INTU: variants seen among roughly 807,000 people sequenced by gnomAD.
INTU encodes the protein inturned planar cell polarity protein, also known as protein inturned.
A neutral mutation model predicts 100.5 loss-of-function variants in INTU; 68 were observed. The observed-to-expected ratio is 0.68, with a 90% CI of 0.56 to 0.83. INTU has a LOEUF of 0.83. INTU is among the 40% of genes least tolerant of loss of function. The pLI, the probability that INTU is intolerant of heterozygous loss-of-function variation, is 0.00. For synonymous variants in INTU, 357 were observed against 395.7 expected (o/e 0.90, Z 1.16); for missense variants, 1,071 against 1,114.7 (o/e 0.96, Z 0.56).
At position 127,684,455 on chromosome 4, in the gene INTU, A is replaced by C. The variant is rs767346560; in HGVS notation, c.1228A>C (p.Thr410Pro). ...GAACATGATAGAAAATGTCATCCAA[A>C]CCTTAAAATTTATGTATGGTTCTTT... ...LRNMIENVIQ[T>P]LKFMYGSLDS... Residue 410 changes from threonine (T) to proline (P), a missense_variant, in exon 7 of 16, where the codon ACC (threonine) becomes CCC (proline). Transcript: ENST00000335251. 1 of 1,601,898 alleles carries C rather than the reference A, an allele frequency of 6.2e-7. No individual in the cohort carries two copies. Among genetic ancestry groups the C allele is most frequent in the East Asian group, 2.2e-5 (1 of 44,488 alleles).
chr4:127,641,062 T>C (rs1560826126), intron 1 of INTU, among the ~76,000 whole-genome samples: 1 of 151,958 alleles, frequency 6.6e-6, no homozygotes, highest in Non-Finnish European at 1.5e-5. Flanking sequence ...TCTGGTGATT[T>C]TCAAGAGTTT....
At chr4:127,637,936 T>C (rs1343293547) in intron 1 of INTU, among the ~76,000 whole-genome samples, 1 of 152,166 alleles carries the variant, frequency 6.6e-6, no homozygotes, top group Non-Finnish European at 1.5e-5. Context: ...CCCTTTGCCT[T>C]CTTTGACATG....
At chr4:127,701,602 T>C (rs1378060122) in intron 9 of INTU, among the ~76,000 whole-genome samples, 3 of 152,120 alleles carry the variant, frequency 2.0e-5, no homozygotes, top group Admixed American at 1.3e-4. Flanking sequence ...TGAAATTATA[T>C]AATATCTGGG....
chr4:127,711,226 A>C (rs1731082752), intron 14 of INTU, 124 bp downstream of exon 14: 1 of 672,442 alleles, frequency 1.5e-6, no homozygotes, highest in African/African-American at 1.8e-5. Flanking sequence ...ATAGTCACTT[A>C]ATCTAACGTG....
intron 8 of INTU, among the ~76,000 whole-genome samples, chr4:127,691,074 T>G (rs1730099646): frequency 6.6e-6 from 1 of 152,186 alleles, no homozygotes; most frequent in Non-Finnish European, 1.5e-5. Flanking sequence ...TCATTTTGCA[T>G]TTTCCAAAAT....
rs188278437 is a variant in INTU at position 127,719,915 on chromosome 4, T to A, written c.*3479T>A. 3 of 152,180 alleles carry A rather than the reference T, an allele frequency of 2.0e-5. No homozygotes were observed. In the East Asian group the frequency reaches 5.8e-4, roughly 29 times the overall value. 9.4% of individuals were successfully genotyped at this position (152,180 alleles called of 1,614,324 possible). A position where few individuals can be genotyped will look rare whatever the true frequency, so the allele number is the denominator to read the frequency against. ...AGCTAATAGTCTATTTTGTTAATAT[T>A]TTCAAAAAAAAGCAGCCCCTGGATT... On this transcript the variant is annotated 3_prime_UTR_variant, in exon 16 of 16. Transcript: ENST00000335251.
At chr4:127,655,071 C>T (rs140259638) in intron 2 of INTU, among the ~76,000 whole-genome samples, 28 of 152,292 alleles carry the variant, frequency 1.8e-4, no homozygotes, top group African/African-American at 6.0e-4. Flanking sequence ...TTTTTAGCTC[C>T]ATCAACTCCT....
rs1226449162 is a variant in INTU, at chr4:127,674,224, G to A, written c.1181+11G>A. ...CCTGCCTGCTGAAGAGTAAGTTGAGGTTTTGCTTACCTTAAAATCATTTCC... is the reference window on the plus strand; with the variant it reads ...CCTGCCTGCTGAAGAGTAAGTTGAGATTTTGCTTACCTTAAAATCATTTCC... On this transcript the variant is annotated intron_variant, in intron 6 of 15. Transcript: ENST00000335251. 6 of 1,583,996 alleles carry A rather than the reference G, an allele frequency of 3.8e-6. No individual in the cohort carries two copies. Among genetic ancestry groups the A allele is most frequent in the Admixed American group, 1.7e-5 (1 of 57,772 alleles).
At chr4:127,668,887 C>T (rs1162249300) in intron 4 of INTU, 149 bp from the exon 5 acceptor site, 2 of 482,800 alleles carry the variant, frequency 4.1e-6, no homozygotes, top group East Asian at 3.2e-5. Flanking sequence ...AAATTCCAAG[C>T]ATAGTTCTCC....
At chr4:127,712,972 G>T (rs1230606982) in intron 14 of INTU, among the ~76,000 whole-genome samples, 1 of 152,210 alleles carries the variant, frequency 6.6e-6, no homozygotes, top group Non-Finnish European at 1.5e-5. Flanking sequence ...CATCCCCTAG[G>T]GGCTGGGAGA....
Position 127,714,071 on chromosome 4 carries a change from GTT to G in INTU, c.2696_2697del (p.Val899AspfsTer24). The part of the protein sequence containing the change: ...NWTDQKKAPP[V>X]MAYWVVGRLF... ...GACTGATCAGAAAAAAGCACCACCA[GTT>G]ATGGCTTACTGGGTAGTAGGGTAAG... On this transcript the variant is annotated frameshift_variant, in exon 15 of 16. Coordinates refer to ENST00000335251, the MANE Select transcript of INTU (RefSeq NM_015693.4). LOFTEE classifies it high-confidence loss of function. The G allele has an allele frequency of 6.2e-7, 1 of 1,613,180 alleles. No homozygotes were observed.
chr4:127,707,607 A>C (rs899857113), intron 12 of INTU, among the ~76,000 whole-genome samples: 14 of 151,890 alleles, frequency 9.2e-5, no homozygotes, highest in African/African-American at 3.4e-4. Flanking sequence ...TATTCAGCAA[A>C]GAGAATCAGA....
intron 2 of INTU, among the ~76,000 whole-genome samples, chr4:127,646,184 C>CA (rs71587329): frequency 0.53 from 67,156 of 127,256 alleles, 15,987 homozygotes; most frequent in South Asian, 0.67. Context: ...GACTCTGTCT[C>CA]AAAAAAAAAA....
intron 8 of INTU, among the ~76,000 whole-genome samples, chr4:127,690,931 A>G (rs1445018213): frequency 6.6e-6 from 1 of 152,072 alleles, no homozygotes; most frequent in African/African-American, 2.4e-5. Flanking sequence ...TTATAATGAC[A>G]TGGATCCATC....
In INTU at chr4:127,720,514, G is replaced by A. The variant is rs150460053; in HGVS notation, c.*4078G>A. The A allele has an allele frequency of 4.1e-3, 628 of 152,288 alleles. 6 individuals are homozygous for A. The highest frequency in any genetic ancestry group is 0.014 in the African/African-American group (601 of 41,560). 9.4% of individuals were successfully genotyped at this position (152,288 alleles called of 1,614,324 possible). On this transcript the variant is annotated 3_prime_UTR_variant, in exon 16 of 16. Transcript: ENST00000335251. ...ATCAGGTCCCACTTGATCCAGAGCT[G>A]AGGTCAAGTCCTGAATAACTTTGTT...
chr4:127,703,759 A>G (rs2148729235), intron 9 of INTU, among the ~76,000 whole-genome samples: 1 of 152,266 alleles, frequency 6.6e-6, no homozygotes, highest in South Asian at 2.1e-4. Context: ...AAAAATCATG[A>G]TTCCACTGCT....
In INTU at chr4:127,676,893, C is replaced by G. The variant is rs573131987; in HGVS notation, c.1181+2680C>G. ...CACCTGGAAAATCGGGTCACTCCCACCCCAATACTGCGCTTTCCCAACAGG... is the reference window on the plus strand; with the variant it reads ...CACCTGGAAAATCGGGTCACTCCCAGCCCAATACTGCGCTTTCCCAACAGG... On this transcript the variant is annotated intron_variant, in intron 6 of 15. Transcript: ENST00000335251. 4.1e-3 allele frequency among the ~76,000 whole-genome samples: 621 copies of G among 152,302 alleles called. 2 individuals are homozygous for G. Among genetic ancestry groups the G allele is most frequent in the South Asian group, 0.013 (63 of 4,820 alleles).
chr4:127,704,470 G>A (rs2148730059), intron 10 of INTU, among the ~76,000 whole-genome samples, 180 bp downstream of exon 10: 1 of 152,222 alleles, frequency 6.6e-6, no homozygotes, highest in East Asian at 1.9e-4. Context: ...CTGGAGTACG[G>A]GGTACAATCA....
At chr4:127,645,992 G>A (rs1727566437) in intron 2 of INTU, among the ~76,000 whole-genome samples, 1 of 151,960 alleles carries the variant, frequency 6.6e-6, no homozygotes, top group African/African-American at 2.4e-5. Flanking sequence ...AGACCAGCCT[G>A]GCCAACATGG....
Sources: gnomAD v4.1 joint callset for allele counts (sites outside exome capture counted in the v4.1 genomes callset) on GRCh38, gnomAD v4.1.1 for gene constraint, MANE v1.5 for transcripts, NCBI Gene and HGNC (gene_info 2026-07-23, HGNC 2026-07-21) for gene names.